CTCFL: variants seen among roughly 807,000 people sequenced by gnomAD.
CTCFL encodes the protein CCCTC-binding factor like.
Under a neutral mutation model 67.4 loss-of-function variants are expected in CTCFL, and 36 were observed. That is an observed-to-expected ratio of 0.53 (90% CI 0.41 to 0.71). The LOEUF is 0.71. Ranked by LOEUF, CTCFL falls within the 30% of genes least tolerant of loss-of-function variation. CTCFL has a pLI of 0.00. For synonymous variants in CTCFL, 324 were observed against 302.3 expected, an observed-to-expected ratio of 1.07 and a Z score of -0.75; for missense variants, 786 against 835.2, an observed-to-expected ratio of 0.94 and a Z score of 0.73.
In CTCFL at chr20:57,518,578, GAA is replaced by G. The variant is rs774424509; in HGVS notation, c.1059+178_1059+179del. On this transcript the variant is annotated intron_variant, in intron 5 of 10. Transcript: ENST00000243914. ...ACTAATTAGTAATCAAAGAAACAAA[GAA>G]ATCCAATTTTCTATTTTAACTTCAT... is the stretch of plus-strand genomic sequence containing the variant. 5 of 1,471,886 alleles carry G rather than the reference GAA, an allele frequency of 3.4e-6. No individual in the cohort carries two copies. The East Asian group carries it at 1.2e-4, about 35-fold the overall frequency. 91.2% of individuals were successfully genotyped at this position (1,471,886 alleles called of 1,614,324 possible).
At chr20:57,519,185 A>G (rs749526927) in intron 4 of CTCFL, 22 bp downstream of exon 4, 1 of 1,611,628 alleles carries the variant, frequency 6.2e-7, no homozygotes, top group Non-Finnish European at 8.5e-7. Context: ...TTCCAGAGAA[A>G]CAGCCTTCCC....
At chr20:57,517,155 A>T (rs2068985495) in intron 5 of CTCFL, among the ~76,000 whole-genome samples, 1 of 152,206 alleles carries the variant, frequency 6.6e-6, no homozygotes, top group Admixed American at 6.5e-5. Context: ...AAACAAAAAG[A>T]ATTTTAAAAA....
chr20:57,497,149 C>T (rs2067734228), downstream of CTCFL: 2 of 673,184 alleles, frequency 3.0e-6, no homozygotes, highest in South Asian at 6.6e-5. Flanking sequence ...AAGACCAATG[C>T]TGACATATAA....
intron 6 of CTCFL, 126 bp from the exon 7 acceptor site, chr20:57,514,867 C>G (rs2068804273): frequency 1.0e-6 from 1 of 955,008 alleles, no homozygotes; most frequent in South Asian, 1.7e-5. Context: ...ACCGGACAAC[C>G]CCCAATTAGT....
Position 57,504,517 on chromosome 20 carries a change from A to ATT in CTCFL, c.1675-917_1675-916insAA, listed in dbSNP as rs1472056695. Among the ~76,000 whole-genome samples the ATT allele has an allele frequency of 6.7e-5, 10 of 149,690 alleles. No homozygotes were observed. The East Asian group carries it at 2.0e-3, about 30-fold the overall frequency. On this transcript the variant is annotated intron_variant, in intron 9 of 10. Coordinates refer to ENST00000243914, the MANE Select transcript of CTCFL (RefSeq NM_001386993.1). Reference sequence around the variant, plus strand: ...GCTGGACTCAAAACTCCTGACCTCAAGTGATCCACCTGCCTTGGCCTCCCA... The same window carrying ATT: ...GCTGGACTCAAAACTCCTGACCTCAATTGTGATCCACCTGCCTTGGCCTCCCA...
rs78625079 is a variant in CTCFL, at chr20:57,514,573, A to G, written c.1330+19T>C. The stretch of plus-strand genomic sequence containing the variant: ...GCCAGCAAATGCTGTAGTAAAAGAA[A>G]GATCGCTAAACCACTCACGTAGGTC... On this transcript the variant is annotated intron_variant, in intron 7 of 10. Coordinates refer to ENST00000243914, the MANE Select transcript of CTCFL (RefSeq NM_001386993.1). 105,424 of 1,612,962 alleles carry G rather than the reference A, an allele frequency of 0.065. 3,742 individuals are homozygous for G. The highest frequency in any genetic ancestry group is 0.082 in the Middle Eastern group (494 of 6,056).
chr20:57,505,174 T>G (rs2068130059), intron 9 of CTCFL, among the ~76,000 whole-genome samples: 1 of 151,990 alleles, frequency 6.6e-6, no homozygotes, highest in Admixed American at 6.6e-5. Context: ...CTTTCTGTTG[T>G]GCTTAGCTCT....
chr20:57,512,538 G>A, intron 8 of CTCFL, 54 bp downstream of exon 8: 2 of 1,560,542 alleles, frequency 1.3e-6, no homozygotes. Context: ...ATCCCACCCA[G>A]CCCTCCATTC....
At chr20:57,516,890 C>T (rs2068961611) in intron 5 of CTCFL, among the ~76,000 whole-genome samples, 1 of 152,196 alleles carries the variant, frequency 6.6e-6, no homozygotes, top group Non-Finnish European at 1.5e-5. Context: ...GTATCACAGG[C>T]CCTTATCTAC....
At chr20:57,497,083 A>G (rs2067733063), downstream of CTCFL, 5 of 232,308 alleles carry the variant, frequency 2.2e-5, no homozygotes, top group Admixed American at 3.3e-4. Context: ...TCCCACCAAC[A>G]GTGCACAACG....
rs561369821 is a variant in CTCFL, at chr20:57,522,183, G to A, written c.754+885C>T. Among the ~76,000 whole-genome samples the A allele has an allele frequency of 7.2e-5, 11 of 152,312 alleles. No individual in the cohort carries two copies. The South Asian group carries it at 2.3e-3, about 32-fold the overall frequency. On this transcript the variant is annotated intron_variant, in intron 3 of 10. Transcript: ENST00000243914. Reference sequence around the variant, plus strand: ...CCTAAGTGAAGGGCCCTGACCACATGTAAGAATGGGGTGGTGGTGGCAGTG... The same window carrying A: ...CCTAAGTGAAGGGCCCTGACCACATATAAGAATGGGGTGGTGGTGGCAGTG...
chr20:57,497,922 C>T lies in CTCFL; in HGVS notation c.*628G>A, dbSNP rs962920441. The T allele has an allele frequency of 1.1e-6, 1 of 952,326 alleles. No homozygotes were observed. Among genetic ancestry groups the T allele is most frequent in the Non-Finnish European group, 1.3e-6 (1 of 799,976 alleles). 59.0% of individuals were successfully genotyped at this position (952,326 alleles called of 1,614,324 possible). On this transcript the variant is annotated 3_prime_UTR_variant, in exon 11 of 11. Transcript: ENST00000243914. ...TTTATTCCTTATTTTCTAGTCTAATCTAGTATTTCATTTCCTACTCAGTTT... is the reference window on the plus strand; with the variant it reads ...TTTATTCCTTATTTTCTAGTCTAATTTAGTATTTCATTTCCTACTCAGTTT...
Position 57,502,647 on chromosome 20 carries a change from T to C in CTCFL, c.1840+789A>G, listed in dbSNP as rs113736681. 1.0e-2 allele frequency among the ~76,000 whole-genome samples: 1,516 copies of C among 152,242 alleles called. 26 individuals are homozygous for C. The highest frequency in any genetic ancestry group is 0.035 in the African/African-American group (1,461 of 41,536). ...TGGAGAAGGTGAACAGTGCAGGTGT[T>C]CACCTGTGCAGGTGTCAGGTTGGCC... On this transcript the variant is annotated intron_variant, in intron 10 of 10. Transcript: ENST00000243914.
At chr20:57,524,454 T>C in intron 1 of CTCFL, 1 of 1,332,202 alleles carries the variant, frequency 7.5e-7, no homozygotes, top group Non-Finnish European at 9.6e-7. Flanking sequence ...AACGAACAGG[T>C]TTGGGCCTCA....
intron 10 of CTCFL, among the ~76,000 whole-genome samples, chr20:57,499,073 C>CGGGGGGGGG (rs11475885): frequency 3.7e-4 from 24 of 65,432 alleles, no homozygotes; most frequent in Non-Finnish European, 6.8e-4. Flanking sequence ...CTGAAGGTGA[C>CGGGGGGGGG]GGGGGGGGGG....
chr20:57,511,588 T>TC (rs372278057), intron 8 of CTCFL, among the ~76,000 whole-genome samples: 7,351 of 146,096 alleles, frequency 0.05, 610 homozygotes, highest in African/African-American at 0.18. Context: ...ATCACTCTAA[T>TC]CCCCCCCCTT....
At chr20:57,503,659 T>C in intron 9 of CTCFL, 58 bp from the exon 10 acceptor site, 3 of 1,572,632 alleles carry the variant, frequency 1.9e-6, no homozygotes, top group Non-Finnish European at 2.6e-6. Flanking sequence ...GGGACCCCTC[T>C]CAGGGGCCTG....
intron 7 of CTCFL, chr20:57,513,215 GATATA>G (rs1379440240): frequency 3.0e-5 from 29 of 976,990 alleles, no homozygotes; most frequent in Non-Finnish European, 3.5e-5. Flanking sequence ...TATATAAAAA[GATATA>G]ATATCTTTAT....
rs779992977 is a variant in CTCFL at position 57,503,515 on chromosome 20, C to G, written c.1761G>C (p.Arg587Ser). ...ASGKGRRTRK[R>S]KQTILKEATK... ...TGGCTTCCTTCAGGATGGTCTGCTT[C>G]CTCTTTCTTGTTCTTCTTCCCTTTC... The change falls in exon 10 of 11, where the codon AGG becomes AGC. Residue 587 changes from arginine (R) to serine (S), a missense_variant. Transcript: ENST00000243914. 2 of 1,614,108 alleles carry G rather than the reference C, an allele frequency of 1.2e-6. No individual in the cohort carries two copies. The highest frequency in any genetic ancestry group is 3.3e-5 in the Admixed American group (2 of 60,010).
Sources: allele counts gnomAD v4.1 joint callset (sites outside exome capture counted in the v4.1 genomes callset), GRCh38; gene constraint gnomAD v4.1.1; transcripts MANE v1.5; gene names NCBI Gene and HGNC (gene_info 2026-07-23, HGNC 2026-07-21).